Variants in MATN4 observed in about 807,000 individuals in gnomAD.
The protein encoded by MATN4 is matrilin-4.
A neutral mutation model predicts 54.6 loss-of-function variants in MATN4; 40 were observed. That is an observed-to-expected ratio of 0.73 (90% CI 0.57 to 0.95). The LOEUF (loss-of-function observed/expected upper bound fraction) is 0.95. Ranked by LOEUF, MATN4 falls within the 40% of genes least tolerant of loss-of-function variation. The pLI is 0.00. For synonymous variants in MATN4, 351 were observed against 345.3 expected (o/e 1.02, Z -0.18); for missense variants, 810 against 819.1 (o/e 0.99, Z 0.13).
Position 45,293,893 on chromosome 20 carries a change from A to C in MATN4, c.1687+15T>G. Reference sequence around the variant, plus strand: ...CACTTTCCCTCCAGCCCGCGCCACCAGCCCCAAAGGATATGGTTCAGCGTC... The same window carrying C: ...CACTTTCCCTCCAGCCCGCGCCACCCGCCCCAAAGGATATGGTTCAGCGTC... On this transcript the variant is annotated intron_variant, in intron 9 of 9. Coordinates refer to ENST00000372756, the MANE Select transcript of MATN4 (RefSeq NM_001393530.1). 6.2e-7 allele frequency: 1 copy of C among 1,606,226 alleles called. No individual in the cohort carries two copies. The highest frequency in any genetic ancestry group is 8.5e-7 in the Non-Finnish European group (1 of 1,178,736).
At position 45,304,748 on chromosome 20, in the gene MATN4, G is replaced by A; in HGVS notation, c.123C>T (p.Ser41=). The A allele has an allele frequency of 6.2e-7, 1 of 1,603,304 alleles. No homozygotes were observed. The highest frequency in any genetic ancestry group is 8.5e-7 in the Non-Finnish European group (1 of 1,172,314). The part of the protein sequence containing the change: ...GPLDLVFVID[S]SRSVRPFEFE... Reference sequence around the variant, plus strand: ...ACTCGAAAGGGCGCACGCTGCGGGAGCTGTCAATCACGAACACCAGATCCA... The same window carrying A: ...ACTCGAAAGGGCGCACGCTGCGGGAACTGTCAATCACGAACACCAGATCCA... Residue 41 remains serine, a synonymous_variant, in exon 3 of 10, where the codon AGC becomes AGT. Transcript: ENST00000372756.
At chr20:45,294,817 C>T (rs777597427) in intron 8 of MATN4, among the ~76,000 whole-genome samples, 5 of 152,214 alleles carry the variant, frequency 3.3e-5, no homozygotes, top group Non-Finnish European at 7.3e-5. Context: ...AAGGGAGCTT[C>T]ATCTGTATTT....
Position 45,293,783 on chromosome 20 carries a change from A to G in MATN4, c.1730T>C (p.Leu577Pro). ...TARLEDLENQLANQK is the reference protein window; with the variant it reads ...TARLEDLENQPANQK ...CCGTGGCCCTCACTTCTGGTTGGCC[A>G]GCTGGTTCTCCAGATCCTCCAGGCG... Residue 577 changes from leucine to proline, a missense_variant, in exon 10 of 10, where the codon CTG (leucine) becomes CCG (proline). By Grantham distance (98) the Leu-to-Pro change is moderately conservative. Transcript: ENST00000372756. 1 of 1,609,770 alleles carries G rather than the reference A, an allele frequency of 6.2e-7. No homozygotes were observed. The highest frequency in any genetic ancestry group is 8.5e-7 in the Non-Finnish European group (1 of 1,179,770).
chr20:45,304,532 C>G lies in MATN4; in HGVS notation c.339G>C (p.Thr113=), dbSNP rs779176962. The G allele has an allele frequency of 1.3e-6, 2 of 1,594,846 alleles. No homozygotes were observed. The highest frequency in any genetic ancestry group is 1.7e-6 in the Non-Finnish European group (2 of 1,165,214). ...TCATGGCGTACTGGATTGCCAGTCCCGTCATGGTGCCTTGCGCCAGAGGCA... is the reference window on the plus strand; with the variant it reads ...TCATGGCGTACTGGATTGCCAGTCCGGTCATGGTGCCTTGCGCCAGAGGCA... ...DLVPLAQGTM[T]GLAIQYAMNV... Residue 113 remains threonine (T), a synonymous_variant, in exon 3 of 10, where the codon ACG becomes ACC. Coordinates refer to ENST00000372756, the MANE Select transcript of MATN4 (RefSeq NM_001393530.1).
chr20:45,306,823 G>C (rs768966041), intron 1 of MATN4: 32 of 948,534 alleles, frequency 3.4e-5, no homozygotes, highest in Non-Finnish European at 4.2e-5. Flanking sequence ...TATAACCCGC[G>C]CAAGAGCCGA....
chr20:45,308,317 C>A (rs1426709950), upstream of MATN4: 38 of 1,099,600 alleles, frequency 3.5e-5, no homozygotes, highest in South Asian at 4.7e-4. Flanking sequence ...ACAGAGGCAA[C>A]GGCCGCATTT....
Position 45,304,235 on chromosome 20 carries a change from C to T in MATN4, c.636G>A (p.Arg212=), listed in dbSNP as rs1435943994. 3.3e-6 allele frequency: 5 copies of T among 1,512,638 alleles called. No individual in the cohort carries two copies. Among genetic ancestry groups the T allele is most frequent in the Non-Finnish European group, 4.4e-6 (5 of 1,134,644 alleles). The allele number at this position is 1,512,638 out of a possible 1,614,324, so 93.7% of individuals were successfully genotyped here. A position where few individuals can be genotyped will look rare whatever the true frequency, so the allele number is the denominator to read the frequency against. ...AGCGCCCTCCTAACTCACCACACAG[C>T]CGGCTCTGGAACTGCAGGCCGAACT... is the stretch of plus-strand genomic sequence containing the variant. ...IQEFGLQFQS[R]LCAIDLCAEG... Residue 212 remains arginine, a synonymous_variant, in exon 3 of 10, where the codon CGG becomes CGA. Transcript: ENST00000372756.
Position 45,293,841 on chromosome 20 carries a change from G to A in MATN4, c.1688-16C>T. The A allele has an allele frequency of 6.2e-7, 1 of 1,611,014 alleles. No individual in the cohort carries two copies. The highest frequency in any genetic ancestry group is 8.5e-7 in the Non-Finnish European group (1 of 1,179,862). ...AGCTGGGCCAGTGAGCGGTTAAGGA[G>A]GCCGTTGGGGTTCGCCGAGGTCCCT... is the stretch of plus-strand genomic sequence containing the variant. On this transcript the variant is annotated splice_polypyrimidine_tract_variant and intron_variant, in intron 9 of 9. Transcript: ENST00000372756.
At position 45,304,590 on chromosome 20, in the gene MATN4, C is replaced by A; in HGVS notation, c.281G>T (p.Arg94Leu). The change falls in exon 3 of 10, where the codon CGC becomes CTC. Residue 94 changes from arginine to leucine, a missense_variant. Coordinates refer to ENST00000372756, the MANE Select transcript of MATN4 (RefSeq NM_001393530.1). ...GCGGATGGCGCGCTCCATGTCCTCG[C>A]GGCGAGAGAACGCGCGGAGAGGGAA... is the stretch of plus-strand genomic sequence containing the variant. ...SVFPLRAFSR[R>L]EDMERAIRDL... 1.3e-6 allele frequency: 2 copies of A among 1,598,984 alleles called. No homozygotes were observed. The highest frequency in any genetic ancestry group is 1.3e-5 in the African/African-American group (1 of 74,794).
intron 1 of MATN4, among the ~76,000 whole-genome samples, chr20:45,306,685 G>A (rs1351626403): frequency 6.6e-6 from 1 of 152,264 alleles, no homozygotes; most frequent in East Asian, 1.9e-4. Flanking sequence ...CTGCTCTCAG[G>A]AGCGACCGCC....
chr20:45,303,909 C>G (rs1028923094), intron 3 of MATN4, among the ~76,000 whole-genome samples: 2 of 152,184 alleles, frequency 1.3e-5, no homozygotes, highest in African/African-American at 4.8e-5. Flanking sequence ...GGGAGGGCCA[C>G]GACTCTTTGG....
intron 8 of MATN4, among the ~76,000 whole-genome samples, chr20:45,297,348 C>T (rs1439123456): frequency 6.6e-6 from 1 of 151,904 alleles, no homozygotes; most frequent in Non-Finnish European, 1.5e-5. Flanking sequence ...GAGTCCCCTT[C>T]TTCACAGGTA....
At chr20:45,301,953 G>A (rs1288703486) in intron 3 of MATN4, among the ~76,000 whole-genome samples, 1 of 152,038 alleles carries the variant, frequency 6.6e-6, no homozygotes, top group Non-Finnish European at 1.5e-5. Flanking sequence ...GTACTAGGCT[G>A]ACTGAGGACT....
chr20:45,308,546 T>C (rs544762467), upstream of MATN4: 96 of 438,406 alleles, frequency 2.2e-4, 1 homozygote, highest in African/African-American at 9.3e-4. Flanking sequence ...CCGGAATTCA[T>C]TGGAAGCTTA....
chr20:45,294,382 GAGA>G (rs1401499898), intron 8 of MATN4, among the ~76,000 whole-genome samples: 1 of 152,346 alleles, frequency 6.6e-6, no homozygotes, highest in Non-Finnish European at 1.5e-5. Context: ...CTTCAGAATG[GAGA>G]AGAAGCTCAG....
chr20:45,304,327 G>T lies in MATN4; in HGVS notation c.544C>A (p.Arg182Ser), dbSNP rs1420816736. 15 of 1,519,400 alleles carry T rather than the reference G, an allele frequency of 9.9e-6. No homozygotes were observed. Among genetic ancestry groups the T allele is most frequent in the Non-Finnish European group, 1.3e-5 (15 of 1,135,548 alleles). 94.1% of individuals were successfully genotyped at this position (1,519,400 alleles called of 1,614,324 possible). The change falls in exon 3 of 10, where the codon CGC becomes AGC. Residue 182 changes from arginine to serine, a missense_variant. Physicochemically the swap from Arg to Ser is moderately radical, Grantham distance 110 (BLOSUM62 -1). Coordinates refer to ENST00000372756, the MANE Select transcript of MATN4 (RefSeq NM_001393530.1). ...TCTAGCGGGGGCGATGCCATGGCGC[G>T]CAGGGAGCCCACGTCCGCGCGCTGC... ...GVQRADVGSL[R>S]AMASPPLDEH...
rs540956939 is a variant in MATN4 at position 45,298,148 on chromosome 20, C to G, written c.1426+22G>C. The G allele has an allele frequency of 1.3e-6, 2 of 1,598,810 alleles. No homozygotes were observed. The highest frequency in any genetic ancestry group is 1.7e-5 in the Admixed American group (1 of 59,598). On this transcript the variant is annotated intron_variant, in intron 7 of 9. Transcript: ENST00000372756. This position sits in a 1 kb window ranked among gnomAD's most constrained non-coding sequence, Gnocchi z 4.6. ...CAGCGTCTGACCCAACCCCAGCCCACTGTGTCCCATGCCAAGCCCACCTTC... is the reference window on the plus strand; with the variant it reads ...CAGCGTCTGACCCAACCCCAGCCCAGTGTGTCCCATGCCAAGCCCACCTTC...
intron 1 of MATN4, among the ~76,000 whole-genome samples, chr20:45,307,322 T>G (rs1018598993): frequency 6.6e-6 from 1 of 152,178 alleles, no homozygotes; most frequent in Non-Finnish European, 1.5e-5. Context: ...CAGTGCCTGC[T>G]TCTCACTCCA....
chr20:45,294,400 T>C (rs996081337), intron 8 of MATN4, among the ~76,000 whole-genome samples: 3 of 152,286 alleles, frequency 2.0e-5, no homozygotes, highest in African/African-American at 7.2e-5. Context: ...GCTCAGAAGG[T>C]ACATTTCTAA....
Sources: allele counts gnomAD v4.1 joint callset (sites outside exome capture counted in the v4.1 genomes callset), GRCh38; gene constraint gnomAD v4.1.1; non-coding constraint Gnocchi (gnomAD v3.1); transcripts MANE v1.5; gene names NCBI Gene and HGNC (gene_info 2026-07-23, HGNC 2026-07-21).